BMPR2: variants seen among roughly 807,000 people sequenced by gnomAD.
BMPR2 encodes bone morphogenetic protein receptor type 2.
A neutral mutation model predicts 100.8 loss-of-function variants in BMPR2; 29 were observed. That is an observed-to-expected ratio of 0.29 (90% CI 0.21 to 0.39). The LOEUF (loss-of-function observed/expected upper bound fraction) is 0.39. Ranked by LOEUF, BMPR2 falls within the 10% of genes least tolerant of loss-of-function variation. BMPR2 has a pLI of 1.00. For missense variants in BMPR2, 1,011 were observed against 1,274.5 expected, an observed-to-expected ratio of 0.79 and a Z score of 3.15; for synonymous variants, 382 against 442.3, an observed-to-expected ratio of 0.86 and a Z score of 1.71.
chr2:202,409,219 C>T (rs1197527363), intron 1 of BMPR2, among the ~76,000 whole-genome samples: 4 of 152,092 alleles, frequency 2.6e-5, no homozygotes, highest in Admixed American at 2.0e-4. Context: ...GTGGTGCACA[C>T]CTGTAATCAC....
intron 1 of BMPR2, among the ~76,000 whole-genome samples, chr2:202,396,083 G>A (rs1690651847): frequency 6.6e-6 from 1 of 152,208 alleles, no homozygotes; most frequent in South Asian, 2.1e-4. Context: ...ATTAATAGGA[G>A]TGATCCAGTC....
intron 3 of BMPR2, among the ~76,000 whole-genome samples, chr2:202,471,401 C>T (rs1445430812): frequency 6.6e-6 from 1 of 152,018 alleles, no homozygotes; most frequent in East Asian, 1.9e-4. Context: ...CCACATATCT[C>T]AAGGGAAAAG....
At chr2:202,545,232 G>GC (rs1449758447) in intron 10 of BMPR2, among the ~76,000 whole-genome samples, 1 of 862 alleles carries the variant, frequency 1.2e-3, no homozygotes, top group African/African-American at 4.0e-3. Context: ...CACACACCTG[G>GC]CCTCCCTTAC....
At position 202,471,727 on chromosome 2, in the gene BMPR2, T is replaced by C. The variant is rs1205005617; in HGVS notation, c.418+4038T>C. ...GGACGACTAGGCAGTGCCTGTCTTT[T>C]ACTGGATGAGAAGAATGTGATAAAG... On this transcript the variant is annotated intron_variant, in intron 3 of 12. Coordinates refer to ENST00000374580, the MANE Select transcript of BMPR2 (RefSeq NM_001204.7). 2.0e-5 allele frequency among the ~76,000 whole-genome samples: 3 copies of C among 152,208 alleles called. No homozygotes were observed. The East Asian group carries it at 5.8e-4, about 29-fold the overall frequency.
At position 202,419,819 on chromosome 2, in the gene BMPR2, G is replaced by A. The variant is rs559295965; in HGVS notation, c.76+42269G>A. ...ACTACTCTTTACAATGCTTTTCCCC[G>A]AAAAGCAATATGAGAAATTAGAAAA... On this transcript the variant is annotated intron_variant, in intron 1 of 12. Transcript: ENST00000374580. Among the ~76,000 whole-genome samples the A allele has an allele frequency of 1.3e-3, 203 of 152,068 alleles. 1 individual carries two copies. Among genetic ancestry groups the A allele is most frequent in the African/African-American group, 4.5e-3 (187 of 41,502 alleles).
At chr2:202,520,222 A>C in intron 7 of BMPR2, 21 bp downstream of exon 7, 1 of 1,525,126 alleles carries the variant, frequency 6.6e-7, no homozygotes, top group Non-Finnish European at 9.1e-7. Context: ...CAATAGATGA[A>C]ATTGACACTC....
At chr2:202,527,404 C>G (rs1480775502) in intron 7 of BMPR2, among the ~76,000 whole-genome samples, 1 of 151,574 alleles carries the variant, frequency 6.6e-6, no homozygotes, top group African/African-American at 2.4e-5. Context: ...AGAAGAATCG[C>G]TTGAACCTGG....
intron 1 of BMPR2, among the ~76,000 whole-genome samples, chr2:202,430,000 G>A (rs953730581): frequency 1.3e-5 from 2 of 152,172 alleles, no homozygotes; most frequent in Non-Finnish European, 2.9e-5. Flanking sequence ...TGTAGAATAT[G>A]TGGCTTAAAC....
chr2:202,488,445 T>C (rs1692825850), intron 3 of BMPR2, among the ~76,000 whole-genome samples: 1 of 152,162 alleles, frequency 6.6e-6, no homozygotes, highest in East Asian at 1.9e-4. Context: ...ATTTACTGTC[T>C]TAACCTTTTT....
rs1692295000 is a variant in BMPR2 at position 202,465,145 on chromosome 2, CGAGGCT to C, written c.247+171_247+176del. 2.0e-5 allele frequency among the ~76,000 whole-genome samples: 3 copies of C among 151,788 alleles called. No individual in the cohort carries two copies. The South Asian group carries it at 6.3e-4, about 32-fold the overall frequency. On this transcript the variant is annotated intron_variant, in intron 2 of 12. Transcript: ENST00000374580. ...TCATGCCTGTAATTCCAGCACTTTTCGAGGCTGAGGTGGGCGGATCACTTGAGGCCA... is the reference window on the plus strand; with the variant it reads ...TCATGCCTGTAATTCCAGCACTTTTCGAGGTGGGCGGATCACTTGAGGCCA...
intron 3 of BMPR2, among the ~76,000 whole-genome samples, chr2:202,504,396 C>T (rs1399740303): frequency 1.3e-5 from 2 of 151,998 alleles, no homozygotes; most frequent in East Asian, 1.9e-4. Flanking sequence ...ACTCCAGACA[C>T]GCCGCCTCAA....
At chr2:202,546,744 C>T (rs1688382087) in intron 10 of BMPR2, among the ~76,000 whole-genome samples, 1 of 152,122 alleles carries the variant, frequency 6.6e-6, no homozygotes, top group African/African-American at 2.4e-5. Flanking sequence ...GCTGGGACTA[C>T]AGTCACGTGC....
intron 10 of BMPR2, among the ~76,000 whole-genome samples, chr2:202,546,124 T>C (rs1574501909): frequency 1.3e-5 from 2 of 152,350 alleles, no homozygotes; most frequent in Middle Eastern, 6.8e-3. Flanking sequence ...AAGGAATTCA[T>C]AATACTTGGT....
At chr2:202,422,534 G>A (rs189368946) in intron 1 of BMPR2, among the ~76,000 whole-genome samples, 4 of 151,476 alleles carry the variant, frequency 2.6e-5, no homozygotes, top group South Asian at 2.1e-4. Flanking sequence ...TCTCGATCTC[G>A]TGACCTCATG....
intron 1 of BMPR2, among the ~76,000 whole-genome samples, chr2:202,463,958 G>A (rs973851634): frequency 1.3e-5 from 2 of 151,736 alleles, no homozygotes; most frequent in African/African-American, 2.4e-5. Flanking sequence ...TCGAGAGTTC[G>A]GGACCAGCCT....
At chr2:202,455,461 C>T (rs1692074414) in intron 1 of BMPR2, among the ~76,000 whole-genome samples, 1 of 152,206 alleles carries the variant, frequency 6.6e-6, no homozygotes, top group South Asian at 2.1e-4. Flanking sequence ...TTTCCATTTT[C>T]ACAGAAAATT....
chr2:202,483,485 C>T (rs1015214109), intron 3 of BMPR2, among the ~76,000 whole-genome samples: 4 of 149,902 alleles, frequency 2.7e-5, no homozygotes, highest in African/African-American at 9.8e-5. Flanking sequence ...ACCCCGCCTA[C>T]CCGCCCAGGT....
chr2:202,552,533 C>T (rs1003848655), intron 10 of BMPR2, among the ~76,000 whole-genome samples, 183 bp from the exon 11 acceptor site: 13 of 152,200 alleles, frequency 8.5e-5, no homozygotes, highest in Non-Finnish European at 1.6e-4. Context: ...ATCTTGCTTG[C>T]TTACTTGTTC....
At position 202,563,443 on chromosome 2, in the gene BMPR2, A is replaced by C. The variant is rs546809192; in HGVS notation, c.*3497A>C. 2.0e-5 allele frequency: 3 copies of C among 152,266 alleles called. No individual in the cohort carries two copies. In the South Asian group the frequency reaches 6.2e-4, roughly 32 times the overall value. The allele number at this position is 152,266 out of a possible 1,614,324, so 9.4% of individuals were successfully genotyped here. ...CAGAGCAAGACTGCCTCAAAAAAAAAACATAAAAATTCAGTCACTATACTC... is the reference window on the plus strand; with the variant it reads ...CAGAGCAAGACTGCCTCAAAAAAAACACATAAAAATTCAGTCACTATACTC... On this transcript the variant is annotated 3_prime_UTR_variant, in exon 13 of 13. Transcript: ENST00000374580.
Sources: gnomAD v4.1 joint callset for allele counts (sites outside exome capture counted in the v4.1 genomes callset) on GRCh38, gnomAD v4.1.1 for gene constraint, MANE v1.5 for transcripts, NCBI Gene and HGNC (gene_info 2026-07-23, HGNC 2026-07-21) for gene names.